The following FAM193A variants were observed in gnomAD, a reference collection of about 807,000 sequenced individuals.
The protein encoded by FAM193A is protein FAM193A.
FAM193A carries 22 observed loss-of-function variants against 126.5 expected under a neutral mutation model. That is an observed-to-expected ratio of 0.17 (90% CI 0.12 to 0.25). FAM193A has a LOEUF of 0.25. FAM193A is among the 10% of genes least tolerant of loss of function. The pLI is 1.00. For synonymous variants in FAM193A, 761 were observed against 646.8 expected, an observed-to-expected ratio of 1.18 and a Z score of -2.68; for missense variants, 1,675 against 1,672.8, an observed-to-expected ratio of 1.00 and a Z score of -0.02.
intron 2 of FAM193A, chr4:2,608,133 A>T (rs1038231956): frequency 6.9e-6 from 11 of 1,595,910 alleles, no homozygotes; most frequent in South Asian, 4.5e-5. Flanking sequence ...TTGTAGATTG[A>T]TCTTAACCTG....
At chr4:2,681,254 T>G (rs1445631625) in intron 13 of FAM193A, among the ~76,000 whole-genome samples, 2 of 152,164 alleles carry the variant, frequency 1.3e-5, no homozygotes, top group African/African-American at 4.8e-5. Context: ...ACTAAAGTTT[T>G]GTCAGTTTTG....
chr4:2,623,956 C>T (rs577443524), intron 2 of FAM193A, among the ~76,000 whole-genome samples: 93 of 152,046 alleles, frequency 6.1e-4, no homozygotes, highest in Middle Eastern at 6.8e-3. Context: ...TCTCTAGCAC[C>T]CTGCATCACC....
intron 2 of FAM193A, among the ~76,000 whole-genome samples, chr4:2,614,647 T>C (rs961529404): frequency 1.3e-5 from 2 of 152,252 alleles, no homozygotes; most frequent in Non-Finnish European, 2.9e-5. Context: ...TATTTTCTCT[T>C]TGATTTTCCG....
Position 2,719,613 on chromosome 4 carries a change from C to T in FAM193A, c.4454+3509C>T, listed in dbSNP as rs190157105. 2.1e-3 allele frequency among the ~76,000 whole-genome samples: 314 copies of T among 151,878 alleles called. 4 individuals carry two copies. Among genetic ancestry groups the T allele is most frequent in the Non-Finnish European group, 3.5e-3 (236 of 67,950 alleles). On this transcript the variant is annotated intron_variant, in intron 20 of 20. Coordinates refer to ENST00000637812, the MANE Select transcript of FAM193A (RefSeq NM_001366318.2). ...ATACAAAATTAGCCAGGCATCGTAG[C>T]GCATGCCTGTAATCCCAGCTACTCG...
At chr4:2,690,532 A>G (rs1479732392) in intron 14 of FAM193A, among the ~76,000 whole-genome samples, 166 bp from the exon 15 acceptor site, 1 of 152,246 alleles carries the variant, frequency 6.6e-6, no homozygotes, top group East Asian at 1.9e-4. Context: ...GGTGCTCAAT[A>G]CAATTTTTTC....
At chr4:2,598,988 G>A (rs1267857414) in intron 2 of FAM193A, among the ~76,000 whole-genome samples, 2 of 152,194 alleles carry the variant, frequency 1.3e-5, no homozygotes, top group Non-Finnish European at 2.9e-5. Flanking sequence ...TATCTGCAGG[G>A]GTCTGACCGG....
At chr4:2,693,954 C>A (rs1284133066) in intron 16 of FAM193A, 80 bp downstream of exon 16, 3 of 1,412,744 alleles carry the variant, frequency 2.1e-6, no homozygotes, top group East Asian at 2.3e-5. Flanking sequence ...TACAGAAACT[C>A]CCCTGGGACC....
chr4:2,666,600 A>G (rs1168307251), intron 12 of FAM193A, among the ~76,000 whole-genome samples: 1 of 152,174 alleles, frequency 6.6e-6, no homozygotes, highest in African/African-American at 2.4e-5. Context: ...GATTTATTAA[A>G]TATTTGATAG....
intron 1 of FAM193A, among the ~76,000 whole-genome samples, chr4:2,566,561 G>A (rs1227189622): frequency 2.6e-5 from 4 of 152,088 alleles, no homozygotes; most frequent in African/African-American, 7.2e-5. Context: ...GGTGGTGTGC[G>A]CCTGTAGTCC....
At chr4:2,674,526 G>T (rs970505079) in intron 13 of FAM193A, among the ~76,000 whole-genome samples, 1 of 152,210 alleles carries the variant, frequency 6.6e-6, no homozygotes, top group East Asian at 1.9e-4. Context: ...GGGGCCTTGT[G>T]TACTGTGTCT....
chr4:2,700,975 T>G (rs376221939), intron 19 of FAM193A, among the ~76,000 whole-genome samples: 45 of 151,426 alleles, frequency 3.0e-4, no homozygotes, highest in East Asian at 3.9e-4. Flanking sequence ...AAAATACATA[T>G]AGAGAGAGAG....
intron 20 of FAM193A, among the ~76,000 whole-genome samples, chr4:2,730,457 G>A (rs780548978): frequency 1.1e-4 from 17 of 152,054 alleles, no homozygotes; most frequent in African/African-American, 2.7e-4. Flanking sequence ...TTGCGAGGCC[G>A]AGGAGGGCAG....
At chr4:2,652,499 A>C (rs973040453) in intron 7 of FAM193A, among the ~76,000 whole-genome samples, 1 of 152,206 alleles carries the variant, frequency 6.6e-6, no homozygotes, top group African/African-American at 2.4e-5. Context: ...GGCCTCGGGA[A>C]ACTTACAATC....
At chr4:2,609,414 G>C (rs1741727976) in intron 2 of FAM193A, among the ~76,000 whole-genome samples, 1 of 152,060 alleles carries the variant, frequency 6.6e-6, no homozygotes. Context: ...AGACTACTCG[G>C]CAAGTAGTCT....
intron 1 of FAM193A, among the ~76,000 whole-genome samples, chr4:2,576,831 G>A (rs1418756255): frequency 6.6e-6 from 1 of 152,202 alleles, no homozygotes; most frequent in Non-Finnish European, 1.5e-5. Context: ...GTGGTAATAG[G>A]CACAGAAAGG....
chr4:2,661,001 C>G (rs1343167702), intron 10 of FAM193A, among the ~76,000 whole-genome samples: 1 of 152,182 alleles, frequency 6.6e-6, no homozygotes, highest in Non-Finnish European at 1.5e-5. Context: ...TATCCAACTT[C>G]TTACTGAAAC....
rs1553886980 is a variant in FAM193A, at chr4:2,565,276, T to TAAAAA, written c.255+28110_255+28111insAAAAA. ...AGCCTTTTTTTTTTTTTTTTTTTTT[T>TAAAAA]AAAAGATGCAGTCTCCCTCTGTCGC... is the stretch of plus-strand genomic sequence containing the variant. On this transcript the variant is annotated intron_variant, in intron 1 of 20. Coordinates refer to ENST00000637812, the MANE Select transcript of FAM193A (RefSeq NM_001366318.2). Among the ~76,000 whole-genome samples the TAAAAA allele has an allele frequency of 6.3e-5, 3 of 47,886 alleles. 1 individual carries two copies. Among genetic ancestry groups the TAAAAA allele is most frequent in the African/African-American group, 2.4e-4 (3 of 12,348 alleles). 31.4% of individuals were successfully genotyped at this position (47,886 alleles called of 152,430 possible).
intron 19 of FAM193A, among the ~76,000 whole-genome samples, chr4:2,701,691 C>T (rs1417348293): frequency 6.6e-6 from 1 of 151,954 alleles, no homozygotes; most frequent in Admixed American, 6.6e-5. Flanking sequence ...AATGAGTATC[C>T]TGTTTTTATT....
chr4:2,660,106 T>G, intron 10 of FAM193A, 52 bp downstream of exon 10: 2 of 1,579,722 alleles, frequency 1.3e-6, no homozygotes, highest in Non-Finnish European at 1.7e-6. Flanking sequence ...GCCCCAGTAA[T>G]GAGAAATACA....
Sources: allele counts gnomAD v4.1 joint callset (sites outside exome capture counted in the v4.1 genomes callset), GRCh38; gene constraint gnomAD v4.1.1; transcripts MANE v1.5; gene names NCBI Gene and HGNC (gene_info 2026-07-23, HGNC 2026-07-21).